Variants in MORC4 observed in about 807,000 individuals in gnomAD.
MORC4 encodes MORC family CW-type zinc finger protein 4.
In MORC4, 22 loss-of-function variants were observed where a neutral mutation model predicts 65.5. That is an observed-to-expected ratio of 0.34 (90% CI 0.24 to 0.48). MORC4 has a LOEUF of 0.48. Ranked by LOEUF, MORC4 falls within the 20% of genes least tolerant of loss-of-function variation. The probability of loss-of-function intolerance (pLI) is 0.99; values close to 1 mark genes in which losing one functional copy is unlikely to be tolerated. For missense variants in MORC4, 624 were observed against 703.0 expected (o/e 0.89, Z 1.27); for synonymous variants, 267 against 255.8 (o/e 1.04, Z -0.42).
intron 9 of MORC4, among the ~76,000 whole-genome samples, chrX:106,975,496 C>T (rs1358188769): frequency 5.4e-5 from 6 of 111,549 alleles, no homozygotes; most frequent in Admixed American, 4.8e-4. Flanking sequence ...CTCTCAAACA[C>T]TAAACCTAAA....
chrX:106,991,804 C>A (rs1206208200), intron 3 of MORC4, among the ~76,000 whole-genome samples: 3 of 111,087 alleles, frequency 2.7e-5, no homozygotes, highest in Non-Finnish European at 5.7e-5. Context: ...ACTCGGGAGG[C>A]TGAGGTACGA....
chrX:106,996,181 ACTTT>A (rs1935077722), intron 2 of MORC4, among the ~76,000 whole-genome samples: 1 of 98,504 alleles, frequency 1.0e-5, no homozygotes, highest in Admixed American at 1.1e-4. Context: ...TTTACTAGGT[ACTTT>A]TTTTTTTTTT....
Position 106,952,776 on chromosome X carries a change from CCTTAT to C in MORC4, c.1685+2132_1685+2136del, listed in dbSNP as rs749142374. On this transcript the variant is annotated intron_variant, in intron 14 of 16. Coordinates refer to ENST00000355610, the MANE Select transcript of MORC4 (RefSeq NM_024657.5). ...AAGCTGAACTACATGACCCAAGGAC[CCTTAT>C]CAGCTTCCTATGCTGATAATAACAG... Among the ~76,000 whole-genome samples the C allele has an allele frequency of 8.1e-5, 9 of 111,775 alleles. No homozygotes were observed. The South Asian group carries it at 3.5e-3, about 43-fold the overall frequency.
At position 106,948,275 on chromosome X, in the gene MORC4, C is replaced by G. The variant is rs368444520; in HGVS notation, c.1686-5070G>C. 5.4e-5 allele frequency among the ~76,000 whole-genome samples: 6 copies of G among 111,572 alleles called. No homozygotes were observed. The East Asian group carries it at 1.4e-3, about 26-fold the overall frequency. The stretch of plus-strand genomic sequence containing the variant: ...TTAATTGTCATTTCAGACTGTAGAT[C>G]TGAGTTACTATCTGGCGTCATTTCC... On this transcript the variant is annotated intron_variant, in intron 14 of 16. Coordinates refer to ENST00000355610, the MANE Select transcript of MORC4 (RefSeq NM_024657.5).
chrX:106,943,376 A>C (rs1229447745), intron 14 of MORC4, among the ~76,000 whole-genome samples, 171 bp from the exon 15 acceptor site: 1 of 111,855 alleles, frequency 8.9e-6, no homozygotes, highest in Admixed American at 9.5e-5. Flanking sequence ...CCATTTCACT[A>C]GTGCGACTGG....
chrX:106,954,750 T>A (rs1934061558), intron 14 of MORC4, among the ~76,000 whole-genome samples, 163 bp downstream of exon 14: 1 of 112,026 alleles, frequency 8.9e-6, no homozygotes, highest in African/African-American at 3.2e-5. Context: ...AAATTGGAGG[T>A]ACATGCAACA....
chrX:106,958,526 T>C (rs1934162471), intron 10 of MORC4, 62 bp from the exon 11 acceptor site: 2 of 1,010,928 alleles, frequency 2.0e-6, no homozygotes, highest in Non-Finnish European at 2.6e-6. Context: ...TGTCTTACAT[T>C]AGAAAGGTGC....
chrX:106,955,518 TACACAC>T (rs10610713), intron 13 of MORC4, among the ~76,000 whole-genome samples: 3 of 103,884 alleles, frequency 2.9e-5, no homozygotes, highest in African/African-American at 1.1e-4. Flanking sequence ...ATATTCATAG[TACACAC>T]ACACACACAC....
chrX:106,985,691 A>G (rs1193649633), intron 4 of MORC4, among the ~76,000 whole-genome samples: 1 of 111,317 alleles, frequency 9.0e-6, no homozygotes, highest in Non-Finnish European at 1.9e-5. Flanking sequence ...AAAAAAAAAA[A>G]AGGAAGGCCT....
chrX:106,955,002 G>A lies in MORC4; in HGVS notation c.1596C>T (p.Ser532=). The change falls in exon 14 of 17, where the codon AGC becomes AGT. Residue 532 remains serine (S), a synonymous_variant. Coordinates refer to ENST00000355610, the MANE Select transcript of MORC4 (RefSeq NM_024657.5). Reference sequence around the variant, plus strand: ...CTCCACCAGAAGGAAGCACACTAGGGCTATGAATTCCCTCATATCCAATTG... The same window carrying A: ...CTCCACCAGAAGGAAGCACACTAGGACTATGAATTCCCTCATATCCAATTG... The part of the protein sequence containing the change: ...NKTIGYEGIH[S]PSVLPSGGEE... 1 of 1,205,461 alleles carries A rather than the reference G, an allele frequency of 8.3e-7. No individual in the cohort carries two copies. Among genetic ancestry groups the A allele is most frequent in the Non-Finnish European group, 1.1e-6 (1 of 890,444 alleles).
intron 15 of MORC4, 92 bp downstream of exon 15, chrX:106,942,423 A>G (rs1933712866): frequency 1.1e-6 from 1 of 916,914 alleles, no homozygotes; most frequent in African/African-American, 2.0e-5. Flanking sequence ...TTTTATTTAA[A>G]GGCCTCAGAA....
chrX:106,990,008 G>T (rs1272184510), intron 3 of MORC4, among the ~76,000 whole-genome samples: 1 of 107,483 alleles, frequency 9.3e-6, no homozygotes, highest in Non-Finnish European at 1.9e-5. Context: ...TGCCAACATG[G>T]TAAAACCCCG....
At chrX:106,968,220 T>C (rs1399156432) in intron 9 of MORC4, among the ~76,000 whole-genome samples, 4 of 111,078 alleles carry the variant, frequency 3.6e-5, no homozygotes, top group African/African-American at 1.3e-4. Flanking sequence ...CAAACTAAGC[T>C]TCATAAGTGA....
chrX:106,975,981 T>C (rs1455519955), intron 9 of MORC4, among the ~76,000 whole-genome samples: 1 of 111,800 alleles, frequency 8.9e-6, no homozygotes, highest in Non-Finnish European at 1.9e-5. Flanking sequence ...TGTCTCATAA[T>C]ACTTAATGAA....
In MORC4 at chrX:106,941,235, A is replaced by G. The variant is rs1933663778; in HGVS notation, c.*244T>C. 1 of 295,588 alleles carries G rather than the reference A, an allele frequency of 3.4e-6. No individual in the cohort carries two copies. 24.4% of individuals were successfully genotyped at this position (295,588 alleles called of 1,213,427 possible). On this transcript the variant is annotated 3_prime_UTR_variant, in exon 17 of 17. Transcript: ENST00000355610. Reference sequence around the variant, plus strand: ...TTTCAGGTCACCTAGCTTAGTGACTATTGCTTTTCTGACCCTAGACTCTTG... The same window carrying G: ...TTTCAGGTCACCTAGCTTAGTGACTGTTGCTTTTCTGACCCTAGACTCTTG...
intron 8 of MORC4, among the ~76,000 whole-genome samples, chrX:106,977,110 T>C (rs1934640715): frequency 8.9e-6 from 1 of 112,133 alleles, no homozygotes; most frequent in African/African-American, 3.2e-5. Context: ...AAGGGTTCTG[T>C]GTGATCCTAT....
At chrX:106,951,410 C>G (rs1933963759) in intron 14 of MORC4, among the ~76,000 whole-genome samples, 1 of 111,406 alleles carries the variant, frequency 9.0e-6, no homozygotes, top group African/African-American at 3.3e-5. Context: ...GGGTCTTGCT[C>G]TGTTGCCCAG....
At chrX:106,968,715 AAG>A (rs1934433286) in intron 9 of MORC4, among the ~76,000 whole-genome samples, 1 of 109,849 alleles carries the variant, frequency 9.1e-6, no homozygotes, top group Non-Finnish European at 1.9e-5. Flanking sequence ...TAAACCAACA[AAG>A]ATCAAAAGAG....
intron 2 of MORC4, among the ~76,000 whole-genome samples, chrX:106,994,422 C>G (rs1935039306): frequency 8.9e-6 from 1 of 111,793 alleles, no homozygotes; most frequent in African/African-American, 3.3e-5. Context: ...TTAGTGATAC[C>G]AAAAAGCTAA....
Sources: gnomAD v4.1 joint callset for allele counts (sites outside exome capture counted in the v4.1 genomes callset) on GRCh38, gnomAD v4.1.1 for gene constraint, MANE v1.5 for transcripts, NCBI Gene and HGNC (gene_info 2026-07-23, HGNC 2026-07-21) for gene names.